SLC20A1: variants seen among roughly 807,000 people sequenced by gnomAD.
SLC20A1 encodes the protein sodium-dependent phosphate transporter 1.
SLC20A1 carries 28 observed loss-of-function variants against 62.7 expected under a neutral mutation model. The ratio of observed to expected loss-of-function variants is 0.45; its 90% CI spans 0.33 to 0.61. SLC20A1 has a LOEUF of 0.61. Among genes scored for constraint, SLC20A1 ranks in the 20% least tolerant of loss-of-function variants. The pLI, the probability that SLC20A1 is intolerant of heterozygous loss-of-function variation, is 0.02. For missense variants in SLC20A1, 673 were observed against 838.6 expected (o/e 0.80, Z 2.44); for synonymous variants, 305 against 302.9 (o/e 1.01, Z -0.07).
In SLC20A1 at chr2:112,659,461, AAAG is replaced by A. The variant is rs1686690995; in HGVS notation, c.1310_1312del (p.Glu437del). ...CATGCCTCTGGATTCATTCCGTGCCAAAGAAGGTGAACAGAAGGGCGAAGAAAT... is the reference window on the plus strand; with the variant it reads ...CATGCCTCTGGATTCATTCCGTGCCAAAGGTGAACAGAAGGGCGAAGAAAT... On this transcript the variant is annotated inframe_deletion, in exon 8 of 11. Coordinates refer to ENST00000272542, the MANE Select transcript of SLC20A1 (RefSeq NM_005415.5). The A allele has an allele frequency of 1.2e-6, 2 of 1,614,232 alleles. No homozygotes were observed. Among genetic ancestry groups the A allele is most frequent in the East Asian group, 4.5e-5 (2 of 44,892 alleles).
rs754409694 is a variant in SLC20A1 at position 112,647,023 on chromosome 2, A to G, written c.195A>G (p.Leu65=). ...TGACCCTGAAGCAAGCCTGCATCCT[A>G]GCTAGCATCTTTGAAACAGTGGGCT... ...GVVTLKQACI[L]ASIFETVGSV... The change falls in exon 2 of 11, where the codon CTA becomes CTG. Residue 65 remains leucine (L), a synonymous_variant. Coordinates refer to ENST00000272542, the MANE Select transcript of SLC20A1 (RefSeq NM_005415.5). The G allele has an allele frequency of 3.7e-6, 6 of 1,614,094 alleles. No homozygotes were observed. Among genetic ancestry groups the G allele is most frequent in the Non-Finnish European group, 4.2e-6 (5 of 1,179,996 alleles).
In SLC20A1 at chr2:112,659,230, C is replaced by G; in HGVS notation, c.1075C>G (p.Leu359Val). ...NGAVQLPNGNLVQFSQAVSNQ... is the reference protein window; with the variant it reads ...NGAVQLPNGNVVQFSQAVSNQ... Reference sequence around the variant, plus strand: ...TGCAGTGCAGTTGCCTAATGGGAACCTTGTCCAGTTCAGTCAAGCCGTCAG... The same window carrying G: ...TGCAGTGCAGTTGCCTAATGGGAACGTTGTCCAGTTCAGTCAAGCCGTCAG... Residue 359 changes from leucine to valine, a missense_variant, in exon 8 of 11, where the codon CTT becomes GTT. Leu to Val is a conservative substitution (Grantham distance 32). Transcript: ENST00000272542. 6.2e-7 allele frequency: 1 copy of G among 1,613,996 alleles called. No homozygotes were observed. The highest frequency in any genetic ancestry group is 8.5e-7 in the Non-Finnish European group (1 of 1,179,922).
At position 112,659,605 on chromosome 2, in the gene SLC20A1, G is replaced by A. The variant is rs1286067913; in HGVS notation, c.1450G>A (p.Val484Ile). The change falls in exon 8 of 11, where the codon GTC (valine) becomes ATC (isoleucine). Residue 484 changes from valine (V) to isoleucine (I), a missense_variant. Transcript: ENST00000272542. ...LHSASEIDMSVKAEMGLGDRK... is the reference protein window; with the variant it reads ...LHSASEIDMSIKAEMGLGDRK... ...CTCAGCATCTGAGATAGACATGAGTGTCAAGGCAGAGATGGGTCTAGGTGA... is the reference window on the plus strand; with the variant it reads ...CTCAGCATCTGAGATAGACATGAGTATCAAGGCAGAGATGGGTCTAGGTGA... The A allele has an allele frequency of 5.6e-6, 9 of 1,614,244 alleles. No individual in the cohort carries two copies. The highest frequency in any genetic ancestry group is 1.6e-4 in the Middle Eastern group (1 of 6,062).
At position 112,646,057 on chromosome 2, in the gene SLC20A1, G is replaced by GGCCGT. The variant is rs149347369; in HGVS notation, c.-337_-333dup. 0.27 allele frequency: 40,827 copies of GGCCGT among 152,168 alleles called. 6,519 individuals are homozygous for GGCCGT. Among genetic ancestry groups the GGCCGT allele is most frequent in the East Asian group, 0.78 (4,023 of 5,128 alleles). 9.4% of individuals were successfully genotyped at this position (152,168 alleles called of 1,614,324 possible). On this transcript the variant is annotated 5_prime_UTR_variant, in exon 1 of 11. Transcript: ENST00000272542. ...AGCTGTCCCCGGTGCCGCCGACCCG[G>GGCCGT]GCCGTGTGCCCGTGGCTCCAGCCGC...
At chr2:112,650,286 C>G (rs544288329) in intron 4 of SLC20A1, among the ~76,000 whole-genome samples, 1 of 151,768 alleles carries the variant, frequency 6.6e-6, no homozygotes, top group South Asian at 2.1e-4. Flanking sequence ...GTCTTTAAAA[C>G]CCAGGAAATT....
Position 112,647,750 on chromosome 2 carries a change from C to A in SLC20A1, c.561+12C>A. ...TCATCCTCCATAAGGTAACCTTTCTCCCCCGTATGAAGACCTTTCATGGAG... is the reference window on the plus strand; with the variant it reads ...TCATCCTCCATAAGGTAACCTTTCTACCCCGTATGAAGACCTTTCATGGAG... On this transcript the variant is annotated intron_variant, in intron 4 of 10. Transcript: ENST00000272542. 6.2e-7 allele frequency: 1 copy of A among 1,600,680 alleles called. No homozygotes were observed. Among genetic ancestry groups the A allele is most frequent in the Non-Finnish European group, 8.6e-7 (1 of 1,167,902 alleles).
intron 1 of SLC20A1, 40 bp from the exon 2 acceptor site, chr2:112,646,523 A>G (rs907531290): frequency 1.1e-4 from 17 of 154,924 alleles, no homozygotes; most frequent in Non-Finnish European, 2.3e-4. Flanking sequence ...CTGGCCCCCC[A>G]GGGGCACGCA....
intron 4 of SLC20A1, among the ~76,000 whole-genome samples, chr2:112,648,799 G>A (rs547962692): frequency 6.6e-6 from 1 of 152,302 alleles, no homozygotes; most frequent in African/African-American, 2.4e-5. Context: ...GTTTGGTACT[G>A]TTTTATTCAG....
chr2:112,663,144 AGAGGAGG>A lies in SLC20A1; in HGVS notation c.*122_*128del. On this transcript the variant is annotated 3_prime_UTR_variant, in exon 11 of 11. Coordinates refer to ENST00000272542, the MANE Select transcript of SLC20A1 (RefSeq NM_005415.5). ...ACAAGAGTCTTTTTATTTGGGAGCCAGAGGAGGGAAGTGTTACTTGTGCTATAACTGC... is the reference window on the plus strand; with the variant it reads ...ACAAGAGTCTTTTTATTTGGGAGCCAGAAGTGTTACTTGTGCTATAACTGC... 8.7e-7 allele frequency: 1 copy of A among 1,151,846 alleles called. No homozygotes were observed. Among genetic ancestry groups the A allele is most frequent in the South Asian group, 1.2e-5 (1 of 80,980 alleles). 71.4% of individuals were successfully genotyped at this position (1,151,846 alleles called of 1,614,324 possible).
At chr2:112,656,412 G>A (rs2104647458) in intron 5 of SLC20A1, among the ~76,000 whole-genome samples, 1 of 151,914 alleles carries the variant, frequency 6.6e-6, no homozygotes, top group South Asian at 2.1e-4. Flanking sequence ...TGTTGGGCAG[G>A]CTGGTCTCGA....
Position 112,647,163 on chromosome 2 carries a change from G to A in SLC20A1, c.334+1G>A. On this transcript the variant is annotated splice_donor_variant, in intron 2 of 10. Coordinates refer to ENST00000272542, the MANE Select transcript of SLC20A1 (RefSeq NM_005415.5). LOFTEE classifies it high-confidence loss of function. ...GCCGGCTCAGTCAGTGCTATGTTTG[G>A]TAAGTTCTTTTTATGTTTTGTCCTC... 3 of 1,609,522 alleles carry A rather than the reference G, an allele frequency of 1.9e-6. No individual in the cohort carries two copies. Among genetic ancestry groups the A allele is most frequent in the Non-Finnish European group, 1.7e-6 (2 of 1,176,668 alleles).
At position 112,657,174 on chromosome 2, in the gene SLC20A1, A is replaced by C; in HGVS notation, c.711A>C (p.Gly237=). 1 of 1,611,186 alleles carries C rather than the reference A, an allele frequency of 6.2e-7. No individual in the cohort carries two copies. The highest frequency in any genetic ancestry group is 8.5e-7 in the Non-Finnish European group (1 of 1,178,908). ...GGGGTACCATCCTCATCTCGGTGGG[A>C]TGTGCAGTTTTCTGTGCCCTTATCG... The part of the protein sequence containing the change: ...PLWGTILISV[G]CAVFCALIVW... The change falls in exon 6 of 11, where the codon GGA becomes GGC. Residue 237 remains glycine, a synonymous_variant. Transcript: ENST00000272542.
Position 112,646,057 on chromosome 2 carries a change from G to GGCGGT in SLC20A1, c.-337_-336insGGTGC, listed in dbSNP as rs1686262576. On this transcript the variant is annotated 5_prime_UTR_variant, in exon 1 of 11. Transcript: ENST00000272542. ...AGCTGTCCCCGGTGCCGCCGACCCG[G>GGCGGT]GCCGTGTGCCCGTGGCTCCAGCCGC... The GGCGGT allele has an allele frequency of 6.6e-6, 1 of 152,158 alleles. No individual in the cohort carries two copies. The highest frequency in any genetic ancestry group is 2.4e-5 in the African/African-American group (1 of 41,344). The allele number at this position is 152,158 out of a possible 1,614,324, so 9.4% of individuals were successfully genotyped here. A position where few individuals can be genotyped will look rare whatever the true frequency, so the allele number is the denominator to read the frequency against.
intron 4 of SLC20A1, among the ~76,000 whole-genome samples, chr2:112,650,050 A>G (rs977693317): frequency 1.3e-5 from 2 of 152,152 alleles, no homozygotes; most frequent in African/African-American, 4.8e-5. Flanking sequence ...GTATTTCACA[A>G]TAAACTATTG....
intron 2 of SLC20A1, 62 bp from the exon 3 acceptor site, chr2:112,647,262 G>T: frequency 3.1e-6 from 5 of 1,590,890 alleles, no homozygotes; most frequent in Non-Finnish European, 4.3e-6. Flanking sequence ...TAACCTTTCT[G>T]AATGTGCCAC....
intron 4 of SLC20A1, among the ~76,000 whole-genome samples, chr2:112,649,898 A>G (rs1356209897): frequency 6.6e-6 from 1 of 152,228 alleles, no homozygotes; most frequent in Non-Finnish European, 1.5e-5. Context: ...GTCCCACATG[A>G]CTAGACGATG....
At chr2:112,660,627 T>G (rs574439329) in intron 9 of SLC20A1, 55 bp downstream of exon 9, 3 of 1,477,582 alleles carry the variant, frequency 2.0e-6, no homozygotes, top group African/African-American at 2.8e-5. Flanking sequence ...TTCAGAGATA[T>G]AACACTGTCG....
chr2:112,661,139 T>C lies in SLC20A1; in HGVS notation c.1794-3T>C. Reference sequence around the variant, plus strand: ...CCTGACAAGAATCCTTTTGTGTCTGTAGTGGCTTCAGTATTGAACTGGCAT... The same window carrying C: ...CCTGACAAGAATCCTTTTGTGTCTGCAGTGGCTTCAGTATTGAACTGGCAT... On this transcript the variant is annotated splice_region_variant and splice_polypyrimidine_tract_variant and intron_variant, in intron 9 of 10. Transcript: ENST00000272542. 6.2e-7 allele frequency: 1 copy of C among 1,613,144 alleles called. No homozygotes were observed. The highest frequency in any genetic ancestry group is 8.5e-7 in the Non-Finnish European group (1 of 1,179,136).
In SLC20A1 at chr2:112,647,085, G is replaced by T; in HGVS notation, c.257G>T (p.Arg86Leu). The change falls in exon 2 of 11, where the codon CGG becomes CTG. Residue 86 changes from arginine to leucine, a missense_variant. Transcript: ENST00000272542. ...GGGGCCAAAGTGAGCGAAACCATCC[G>T]GAAGGGCTTGATTGACGTGGAGATG... ...LLGAKVSETI[R>L]KGLIDVEMYN... is the part of the protein sequence containing the mutation. 6.2e-7 allele frequency: 1 copy of T among 1,614,152 alleles called. No homozygotes were observed. Among genetic ancestry groups the T allele is most frequent in the South Asian group, 1.1e-5 (1 of 91,072 alleles).
Sources: gnomAD v4.1 joint callset for allele counts (sites outside exome capture counted in the v4.1 genomes callset) on GRCh38, gnomAD v4.1.1 for gene constraint, MANE v1.5 for transcripts, NCBI Gene and HGNC (gene_info 2026-07-23, HGNC 2026-07-21) for gene names.